FARP1: variants seen among roughly 807,000 people sequenced by gnomAD.
FARP1 encodes FERM, ARH/RhoGEF and pleckstrin domain protein 1.
A neutral mutation model predicts 128.8 loss-of-function variants in FARP1; 52 were observed. The observed-to-expected ratio is 0.40, with a 90% CI of 0.32 to 0.51. FARP1 has a LOEUF of 0.51. Among genes scored for constraint, FARP1 ranks in the 20% least tolerant of loss-of-function variants. The pLI is 0.45. For synonymous variants in FARP1, 580 were observed against 551.8 expected, an observed-to-expected ratio of 1.05 and a Z score of -0.72; for missense variants, 1,333 against 1,367.9, an observed-to-expected ratio of 0.97 and a Z score of 0.40.
intron 2 of FARP1, 44 bp downstream of exon 2, chr13:98,213,457 C>A: frequency 6.3e-7 from 1 of 1,593,054 alleles, no homozygotes; most frequent in Non-Finnish European, 8.6e-7. Context: ...TGGTAGGGGA[C>A]AGCCTTTGGT....
At chr13:98,215,326 C>G (rs1313632201) in intron 2 of FARP1, among the ~76,000 whole-genome samples, 1 of 152,202 alleles carries the variant, frequency 6.6e-6, no homozygotes, top group East Asian at 1.9e-4. Flanking sequence ...AAAGCCCTAT[C>G]AGTTTTACCT....
intron 2 of FARP1, among the ~76,000 whole-genome samples, chr13:98,291,796 GC>G (rs1490978294): frequency 1.3e-5 from 2 of 152,166 alleles, no homozygotes; most frequent in African/African-American, 2.4e-5. Context: ...GGTGTAAGTG[GC>G]CCTGCCAACT....
intron 5 of FARP1, among the ~76,000 whole-genome samples, chr13:98,372,083 T>G (rs1889358241): frequency 1.3e-5 from 1 of 77,572 alleles, no homozygotes; most frequent in Middle Eastern, 5.2e-3. Flanking sequence ...CAGTTTTTCT[T>G]TTTTTTTTTT....
In FARP1 at chr13:98,377,852, T is replaced by A. The variant is rs1217394779; in HGVS notation, c.430T>A (p.Leu144Met). 1 of 1,614,084 alleles carries A rather than the reference T, an allele frequency of 6.2e-7. No individual in the cohort carries two copies. The highest frequency in any genetic ancestry group is 2.2e-5 in the East Asian group (1 of 44,882). Residue 144 changes from leucine to methionine, a missense_variant, in exon 6 of 27, where the codon TTG becomes ATG. By Grantham distance (15) the Leu-to-Met change is conservative. Coordinates refer to ENST00000319562, the MANE Select transcript of FARP1 (RefSeq NM_005766.4). ...YLFALQVKQDLAQGRLTCNDT... is the reference protein window; with the variant it reads ...YLFALQVKQDMAQGRLTCNDT... ...GTTCGCGCTGCAGGTGAAGCAGGAC[T>A]TGGCTCAAGGCAGGTTGACGTGTAA...
At position 98,368,202 on chromosome 13, in the gene FARP1, G is replaced by T. The variant is rs199611920; in HGVS notation, c.398+7G>T. ...TCCAAGAAGAACTCACAAGGTTAGT[G>T]GTTTGGAAACTGTGTATTTTTTGCT... is the stretch of plus-strand genomic sequence containing the variant. On this transcript the variant is annotated splice_region_variant and intron_variant, in intron 5 of 26. Transcript: ENST00000319562. 3.1e-6 allele frequency: 5 copies of T among 1,609,526 alleles called. No homozygotes were observed. In the Admixed American group the frequency reaches 5.0e-5, roughly 16 times the overall value.
At chr13:98,145,652 A>G (rs1359575633) in intron 1 of FARP1, among the ~76,000 whole-genome samples, 1 of 152,136 alleles carries the variant, frequency 6.6e-6, no homozygotes, top group Non-Finnish European at 1.5e-5. Context: ...GGATCACTTG[A>G]GATCAGGATT....
chr13:98,434,919 G>A (rs542982407), intron 18 of FARP1: 1 of 152,372 alleles, frequency 6.6e-6, no homozygotes, highest in Admixed American at 6.5e-5. Context: ...ACTTGAACCT[G>A]GGGGCAGAGG....
chr13:98,317,497 T>C (rs1033350412), intron 2 of FARP1, among the ~76,000 whole-genome samples: 1 of 152,210 alleles, frequency 6.6e-6, no homozygotes, highest in African/African-American at 2.4e-5. Context: ...TATTTGAAAA[T>C]GGAAATTTGT....
chr13:98,249,110 C>T (rs1303046644), intron 2 of FARP1, among the ~76,000 whole-genome samples: 1 of 152,148 alleles, frequency 6.6e-6, no homozygotes, highest in Non-Finnish European at 1.5e-5. Flanking sequence ...TCTTGTATTT[C>T]TCCTAGACGC....
At chr13:98,259,538 T>C (rs140678942) in intron 2 of FARP1, among the ~76,000 whole-genome samples, 3 of 152,176 alleles carry the variant, frequency 2.0e-5, no homozygotes, top group African/African-American at 7.2e-5. Context: ...AGGGGACCAG[T>C]GTTTTGCCCC....
rs148461424 is a variant in FARP1 at position 98,330,144 on chromosome 13, G to A, written c.172-13618G>A. ...TGTGCAAAGGCCTGGAGGTGGGTGT[G>A]TGCCTCGTGTGCTAGAGAACAGCTG... On this transcript the variant is annotated intron_variant, in intron 2 of 26. Coordinates refer to ENST00000319562, the MANE Select transcript of FARP1 (RefSeq NM_005766.4). Among the ~76,000 whole-genome samples the A allele has an allele frequency of 6.6e-4, 100 of 152,260 alleles. No homozygotes were observed. In the Middle Eastern group the frequency reaches 0.017, roughly 26 times the overall value.
At chr13:98,440,087 C>T in intron 22 of FARP1, 36 bp from the exon 23 acceptor site, 1 of 1,609,574 alleles carries the variant, frequency 6.2e-7, no homozygotes, top group Non-Finnish European at 8.5e-7. Flanking sequence ...CTTTGATGTG[C>T]TGTGGCCTGA....
chr13:98,210,052 A>G (rs1880582387), intron 1 of FARP1, among the ~76,000 whole-genome samples: 1 of 151,802 alleles, frequency 6.6e-6, no homozygotes, highest in Admixed American at 6.6e-5. Context: ...AACTTTGTTG[A>G]TACTATAGTA....
chr13:98,295,844 T>C (rs1885662759), intron 2 of FARP1, among the ~76,000 whole-genome samples: 1 of 152,208 alleles, frequency 6.6e-6, no homozygotes, highest in Non-Finnish European at 1.5e-5. Context: ...ATGCATGTGG[T>C]ATTCTGAGAG....
At position 98,361,383 on chromosome 13, in the gene FARP1, G is replaced by A. The variant is rs545025172; in HGVS notation, c.277-4012G>A. 3.9e-5 allele frequency among the ~76,000 whole-genome samples: 6 copies of A among 152,358 alleles called. No individual in the cohort carries two copies. The South Asian group carries it at 1.0e-3, about 26-fold the overall frequency. ...GCTCCCTTGGCTCAAATAGGTGCTT[G>A]TGTTTGATGCTTTCCACAGAAATGC... is the stretch of plus-strand genomic sequence containing the variant. On this transcript the variant is annotated intron_variant, in intron 3 of 26. Transcript: ENST00000319562.
At chr13:98,426,043 T>C (rs2140156515) in intron 17 of FARP1, among the ~76,000 whole-genome samples, 1 of 152,262 alleles carries the variant, frequency 6.6e-6, no homozygotes, top group East Asian at 1.9e-4. Context: ...CTGCCCCCAT[T>C]TCAATCCATC....
At chr13:98,247,873 G>C (rs1175830079) in intron 2 of FARP1, among the ~76,000 whole-genome samples, 2 of 152,226 alleles carry the variant, frequency 1.3e-5, no homozygotes, top group Non-Finnish European at 2.9e-5. Flanking sequence ...GTGGTCATCA[G>C]CTTCCAGCGA....
Position 98,237,053 on chromosome 13 carries a change from C to T in FARP1, c.171+23640C>T, listed in dbSNP as rs141089404. Among the ~76,000 whole-genome samples, 166 of 151,270 alleles carry T rather than the reference C, an allele frequency of 1.1e-3. 1 individual carries two copies. The highest frequency in any genetic ancestry group is 3.9e-3 in the African/African-American group (160 of 41,184). On this transcript the variant is annotated intron_variant, in intron 2 of 26. Transcript: ENST00000319562. ...GCGCGTGTGGCTCATGTCTGTAATC[C>T]CAGCATTTTGGGAGGCTGAGGCAGG...
chr13:98,386,876 C>T (rs1157936505), intron 8 of FARP1, among the ~76,000 whole-genome samples: 1 of 152,230 alleles, frequency 6.6e-6, no homozygotes, highest in Non-Finnish European at 1.5e-5. Context: ...TTACAAATCA[C>T]ATCCCAAGAA....
Sources: allele counts gnomAD v4.1 joint callset (sites outside exome capture counted in the v4.1 genomes callset), GRCh38; gene constraint gnomAD v4.1.1; transcripts MANE v1.5; gene names NCBI Gene and HGNC (gene_info 2026-07-23, HGNC 2026-07-21).